MECOM: variants seen among roughly 807,000 people sequenced by gnomAD.
The protein encoded by MECOM is MDS1 and EVI1 complex locus.
Under a neutral mutation model 116.3 loss-of-function variants are expected in MECOM, and 13 were observed. The observed-to-expected ratio is 0.11, with a 90% CI of 0.07 to 0.18. The LOEUF is 0.18. Ranked by LOEUF, MECOM falls within the 10% of genes least tolerant of loss-of-function variation. The pLI, the probability that MECOM is intolerant of heterozygous loss-of-function variation, is 1.00. For synonymous variants in MECOM, 528 were observed against 535.2 expected, an observed-to-expected ratio of 0.99 and a Z score of 0.19; for missense variants, 1,299 against 1,509.0, an observed-to-expected ratio of 0.86 and a Z score of 2.31.
intron 2 of MECOM, among the ~76,000 whole-genome samples, chr3:169,336,343 T>C (rs963759106): frequency 6.6e-6 from 1 of 151,932 alleles, no homozygotes; most frequent in South Asian, 2.1e-4. Context: ...AATGTTTCTC[T>C]CTCATCAAAT....
At chr3:169,649,430 T>G (rs73176413) in intron 1 of MECOM, among the ~76,000 whole-genome samples, 4 of 77,596 alleles carry the variant, frequency 5.2e-5, no homozygotes, top group Admixed American at 2.8e-4. Flanking sequence ...AAAAAAAAAA[T>G]AGGAAAACAA....
intron 1 of MECOM, among the ~76,000 whole-genome samples, chr3:169,527,252 G>C (rs1758063617): frequency 6.6e-6 from 1 of 152,178 alleles, no homozygotes; most frequent in Non-Finnish European, 1.5e-5. Flanking sequence ...AGCAGGAATG[G>C]TATAGGAGAA....
At chr3:169,145,265 C>A (rs1739516374) in intron 2 of MECOM, 5 of 433,092 alleles carry the variant, frequency 1.2e-5, no homozygotes, top group Non-Finnish European at 2.0e-5. Context: ...CTTAAACATC[C>A]TTTCTATTAA....
intron 2 of MECOM, among the ~76,000 whole-genome samples, chr3:169,158,611 T>C (rs541026019): frequency 2.6e-5 from 4 of 152,318 alleles, no homozygotes; most frequent in East Asian, 1.9e-4. Context: ...AATGCAAATA[T>C]ACCACTTCCT....
intron 2 of MECOM, among the ~76,000 whole-genome samples, chr3:169,221,033 A>C (rs1240555378): frequency 1.3e-5 from 2 of 152,216 alleles, no homozygotes; most frequent in Non-Finnish European, 2.9e-5. Context: ...GTAATTCTAG[A>C]ATCAGGCTGT....
chr3:169,108,174 T>C (rs573191420), intron 9 of MECOM, among the ~76,000 whole-genome samples: 2 of 152,292 alleles, frequency 1.3e-5, no homozygotes, highest in African/African-American at 4.8e-5. Flanking sequence ...AAGGTTAATT[T>C]CCACAAGAAA....
rs1329610325 is a variant in MECOM, at chr3:169,433,621, A to AAAAG, written c.38-52101_38-52098dup. Among the ~76,000 whole-genome samples the AAAAG allele has an allele frequency of 2.7e-3, 385 of 144,462 alleles. 5 individuals carry two copies. The highest frequency in any genetic ancestry group is 9.4e-3 in the African/African-American group (364 of 38,560). The allele number at this position is 144,462 out of a possible 152,430, so 94.8% of individuals were successfully genotyped here. A position where few individuals can be genotyped will look rare whatever the true frequency, so the allele number is the denominator to read the frequency against. Reference sequence around the variant, plus strand: ...GGGAAGGAGGGAGGGAGGGAAGGAGAAAAGAAAGAAAGAGAAAGAGAAAGA... The same window carrying AAAAG: ...GGGAAGGAGGGAGGGAGGGAAGGAGAAAAGAAAGAAAGAAAGAGAAAGAGAAAGA... On this transcript the variant is annotated intron_variant, in intron 1 of 16. Transcript: ENST00000651503.
chr3:169,500,859 T>G (rs1441788693), intron 1 of MECOM, among the ~76,000 whole-genome samples: 1 of 152,130 alleles, frequency 6.6e-6, no homozygotes, highest in East Asian at 1.9e-4. Context: ...TTATATAAAC[T>G]TAATCTCTTC....
intron 13 of MECOM, 25 bp downstream of exon 13, chr3:169,095,051 A>G: frequency 6.6e-7 from 1 of 1,508,732 alleles, no homozygotes; most frequent in Non-Finnish European, 8.9e-7. Context: ...GTCATCTTTG[A>G]CTTATAACAC....
chr3:169,217,666 C>T (rs1243364608), intron 2 of MECOM, among the ~76,000 whole-genome samples: 1 of 151,936 alleles, frequency 6.6e-6, no homozygotes, highest in Admixed American at 6.6e-5. Context: ...TACCTGTAAT[C>T]CCAGATACTT....
At chr3:169,616,774 C>A (rs1234424794) in intron 1 of MECOM, among the ~76,000 whole-genome samples, 2 of 152,206 alleles carry the variant, frequency 1.3e-5, no homozygotes, top group Non-Finnish European at 2.9e-5. Flanking sequence ...GTCAATTAAT[C>A]TTTCTAGATA....
intron 2 of MECOM, among the ~76,000 whole-genome samples, chr3:169,281,570 G>T (rs1361944047): frequency 6.6e-6 from 1 of 152,134 alleles, no homozygotes; most frequent in African/African-American, 2.4e-5. Context: ...CAGCACTTTG[G>T]GAGGCTGAGG....
chr3:169,384,024 C>T (rs1232170720), intron 1 of MECOM, among the ~76,000 whole-genome samples: 1 of 152,066 alleles, frequency 6.6e-6, no homozygotes, highest in Non-Finnish European at 1.5e-5. Context: ...CAATTTTATC[C>T]CTCAGTTTGG....
At chr3:169,144,784 T>C (rs557764887) in intron 2 of MECOM, among the ~76,000 whole-genome samples, 4 of 152,332 alleles carry the variant, frequency 2.6e-5, no homozygotes, top group South Asian at 4.1e-4. Flanking sequence ...GGTAATGTTA[T>C]GTCAATCAGT....
chr3:169,156,061 T>A (rs1047534478), intron 2 of MECOM, among the ~76,000 whole-genome samples: 3 of 152,196 alleles, frequency 2.0e-5, no homozygotes, highest in Non-Finnish European at 4.4e-5. Flanking sequence ...GGAAACATCC[T>A]TCACACCAGC....
chr3:169,530,510 T>G (rs1758487158), intron 1 of MECOM, among the ~76,000 whole-genome samples: 1 of 152,162 alleles, frequency 6.6e-6, no homozygotes, highest in Non-Finnish European at 1.5e-5. Flanking sequence ...CCCAGCCACC[T>G]ATGAAGCCCT....
chr3:169,631,309 T>C (rs1262542219), intron 1 of MECOM, among the ~76,000 whole-genome samples: 1 of 152,204 alleles, frequency 6.6e-6, no homozygotes, highest in Non-Finnish European at 1.5e-5. Context: ...AAAAGAACAG[T>C]TCAAATGGAA....
chr3:169,384,349 G>A (rs1228979396), intron 1 of MECOM, among the ~76,000 whole-genome samples: 1 of 151,890 alleles, frequency 6.6e-6, no homozygotes, highest in Non-Finnish European at 1.5e-5. Flanking sequence ...CAACATCAAA[G>A]GAAACAATTT....
intron 2 of MECOM, among the ~76,000 whole-genome samples, chr3:169,152,266 T>C (rs1172112372): frequency 6.6e-6 from 1 of 151,988 alleles, no homozygotes; most frequent in African/African-American, 2.4e-5. Context: ...TTTTTATCTA[T>C]TGGGGTGTGC....
Sources: gnomAD v4.1 joint callset for allele counts (sites outside exome capture counted in the v4.1 genomes callset) on GRCh38, gnomAD v4.1.1 for gene constraint, MANE v1.5 for transcripts, NCBI Gene and HGNC (gene_info 2026-07-23, HGNC 2026-07-21) for gene names.